TRIM69: variants seen among roughly 807,000 people sequenced by gnomAD.
TRIM69 encodes the protein E3 ubiquitin-protein ligase TRIM69.
A neutral mutation model predicts 37.7 loss-of-function variants in TRIM69; 29 were observed. The observed-to-expected ratio is 0.77, with a 90% CI of 0.57 to 1.05. The LOEUF is 1.05. TRIM69 is among the 50% of genes least tolerant of loss of function. The probability of loss-of-function intolerance (pLI) is 0.00; values close to 1 mark genes in which losing one functional copy is unlikely to be tolerated. For synonymous variants in TRIM69, 209 were observed against 212.4 expected, an observed-to-expected ratio of 0.98 and a Z score of 0.14; for missense variants, 596 against 579.9, an observed-to-expected ratio of 1.03 and a Z score of -0.28.
At chr15:44,752,471 T>C (rs946070145) in intron 1 of TRIM69, among the ~76,000 whole-genome samples, 1 of 152,218 alleles carries the variant, frequency 6.6e-6, no homozygotes, top group African/African-American at 2.4e-5. Context: ...ACTATTTGTA[T>C]GGATTGTCTT....
intron 2 of TRIM69, among the ~76,000 whole-genome samples, chr15:44,755,981 A>T (rs2087636950): frequency 6.6e-6 from 1 of 152,210 alleles, no homozygotes; most frequent in Admixed American, 6.5e-5. Context: ...GTAGAGTTCT[A>T]TTCCCTTCTT....
chr15:44,756,525 G>C, intron 3 of TRIM69, 62 bp downstream of exon 3: 1 of 1,151,272 alleles, frequency 8.7e-7, no homozygotes, highest in Non-Finnish European at 1.3e-6. Flanking sequence ...TGTAACTTCA[G>C]CTATGGGTAC....
chr15:44,758,895 C>A, intron 4 of TRIM69, 41 bp downstream of exon 4: 6 of 1,577,886 alleles, frequency 3.8e-6, no homozygotes, highest in Non-Finnish European at 5.2e-6. Context: ...ACCTTCCTAC[C>A]TAGAGGGGGG....
intron 6 of TRIM69, among the ~76,000 whole-genome samples, chr15:44,765,299 A>G (rs2087861931): frequency 6.6e-6 from 1 of 152,222 alleles, no homozygotes; most frequent in Non-Finnish European, 1.5e-5. Context: ...GAGGCTTAGC[A>G]AAGAGAGCAG....
In TRIM69 at chr15:44,767,060, A is replaced by AAAAAAAAAAAAG. The variant is rs1179462651; in HGVS notation, c.962-160_962-159insGAAAAAAAAAAA. Reference sequence around the variant, plus strand: ...GGGCAACCTTGTCTGCCTCAAAAAAAAAAAAAAAAAAAAAAAAAAAAAAAG... The same window carrying AAAAAAAAAAAAG: ...GGGCAACCTTGTCTGCCTCAAAAAAAAAAAAAAAAAAGAAAAAAAAAAAAAAAAAAAAAAAAG... On this transcript the variant is annotated intron_variant, in intron 6 of 6. Coordinates refer to ENST00000329464, the MANE Select transcript of TRIM69 (RefSeq NM_182985.5). Among the ~76,000 whole-genome samples, 12 of 133,882 alleles carry AAAAAAAAAAAAG rather than the reference A, an allele frequency of 9.0e-5. 1 individual carries two copies. Among genetic ancestry groups the AAAAAAAAAAAAG allele is most frequent in the Admixed American group, 1.5e-4 (2 of 13,548 alleles). 87.8% of individuals were successfully genotyped at this position (133,882 alleles called of 152,430 possible).
At chr15:44,737,177 C>T (rs1841725771) in intron 1 of TRIM69, among the ~76,000 whole-genome samples, 1 of 152,062 alleles carries the variant, frequency 6.6e-6, no homozygotes, top group South Asian at 2.1e-4. Flanking sequence ...TTAGTGTTTT[C>T]CTGATTGTCA....
At chr15:44,763,988 C>T (rs138971716) in intron 6 of TRIM69, among the ~76,000 whole-genome samples, 312 of 152,314 alleles carry the variant, frequency 2.0e-3, no homozygotes, top group Non-Finnish European at 3.5e-3. Context: ...ATTGTTCAGT[C>T]TATTGATTTC....
rs754062769 is a variant in TRIM69, at chr15:44,759,833, T to G, written c.922T>G (p.Tyr308Asp). The change falls in exon 6 of 7, where the codon TAC (tyrosine) becomes GAC (aspartate). Residue 308 changes from tyrosine to aspartate, a missense_variant. Physicochemically the swap from Tyr to Asp is radical, Grantham distance 160. Transcript: ENST00000329464. ...NLGQYKGPIQ[Y>D]MVWREMQDTL... ...GGGCCAGTACAAAGGTCCTATCCAG[T>G]ACATGGTATGGAGGGAAATGCAGGA... 1.2e-6 allele frequency: 2 copies of G among 1,614,136 alleles called. No individual in the cohort carries two copies. Among genetic ancestry groups the G allele is most frequent in the Non-Finnish European group, 8.5e-7 (1 of 1,179,996 alleles).
chr15:44,758,571 C>T, intron 3 of TRIM69, 50 bp from the exon 4 acceptor site: 1 of 1,601,758 alleles, frequency 6.2e-7, no homozygotes, highest in Non-Finnish European at 8.5e-7. Context: ...CCCCCATCCC[C>T]AAGCACTAGT....
chr15:44,746,967 A>G (rs1239462859), intron 1 of TRIM69, among the ~76,000 whole-genome samples: 1 of 152,228 alleles, frequency 6.6e-6, no homozygotes, highest in African/African-American at 2.4e-5. Context: ...AATAGCTTGG[A>G]CTACAATCTA....
At chr15:44,759,162 G>A (rs1162235392) in intron 4 of TRIM69, among the ~76,000 whole-genome samples, 2 of 152,168 alleles carry the variant, frequency 1.3e-5, no homozygotes. Flanking sequence ...AAATAAAAAT[G>A]TTGCAGCCTG....
intron 1 of TRIM69, among the ~76,000 whole-genome samples, chr15:44,750,423 C>G (rs368257917): frequency 9.2e-5 from 14 of 152,176 alleles, no homozygotes; most frequent in African/African-American, 3.4e-4. Context: ...ACTCTCTTTA[C>G]TTTTGTAGGT....
chr15:44,765,673 G>GTA (rs1566901855), intron 6 of TRIM69, among the ~76,000 whole-genome samples: 1 of 151,866 alleles, frequency 6.6e-6, no homozygotes, highest in East Asian at 1.9e-4. Flanking sequence ...AGAATTGCTT[G>GTA]AACCCAGGAG....
chr15:44,750,726 T>C (rs1262586713), intron 1 of TRIM69, among the ~76,000 whole-genome samples: 2,009 of 116,522 alleles, frequency 0.017, 118 homozygotes, highest in Non-Finnish European at 0.024. Flanking sequence ...TTTTTTTTTT[T>C]TTTTTTTTTT....
chr15:44,736,771 A>G lies in TRIM69; in HGVS notation c.6+61A>G, dbSNP rs982165303. 4 of 1,583,322 alleles carry G rather than the reference A, an allele frequency of 2.5e-6. No homozygotes were observed. In the African/African-American group the frequency reaches 5.5e-5, roughly 22 times the overall value. On this transcript the variant is annotated intron_variant, in intron 1 of 6. Coordinates refer to ENST00000329464, the MANE Select transcript of TRIM69 (RefSeq NM_182985.5). ...TTCTAGGAATAGTGTGGAAAACAGG[A>G]TCATAGAAGAGGATATGGATTTAGG...
intron 6 of TRIM69, among the ~76,000 whole-genome samples, chr15:44,765,833 T>C (rs866997309): frequency 6.6e-6 from 1 of 151,418 alleles, no homozygotes; most frequent in South Asian, 2.1e-4. Context: ...CTTCCAAGGA[T>C]AAATAAATCC....
chr15:44,759,489 A>T, intron 4 of TRIM69, 151 bp from the exon 5 acceptor site: 1 of 743,970 alleles, frequency 1.3e-6, no homozygotes, highest in Non-Finnish European at 2.2e-6. Context: ...ATCAGGGATG[A>T]AGATTAGAAA....
chr15:44,756,843 A>C, intron 3 of TRIM69: 1 of 163,472 alleles, frequency 6.1e-6, no homozygotes, highest in South Asian at 1.8e-4. Context: ...ATTTCCTTTG[A>C]GTTTATAACC....
intron 1 of TRIM69, among the ~76,000 whole-genome samples, chr15:44,747,634 C>T (rs1038270544): frequency 3.3e-5 from 5 of 152,094 alleles, no homozygotes; most frequent in African/African-American, 1.2e-4. Flanking sequence ...AGGCAACATT[C>T]AAAGAGAAGA....
Sources: gnomAD v4.1 joint callset for allele counts (sites outside exome capture counted in the v4.1 genomes callset) on GRCh38, gnomAD v4.1.1 for gene constraint, MANE v1.5 for transcripts, NCBI Gene and HGNC (gene_info 2026-07-23, HGNC 2026-07-21) for gene names.